Variants in STPG3 observed in about 807,000 individuals in gnomAD.
STPG3 encodes sperm-tail PG-rich repeat containing 3, also known as protein STPG3.
Under a neutral mutation model 32.5 loss-of-function variants are expected in STPG3, and 39 were observed. The observed-to-expected ratio is 1.20, with a 90% CI of 0.93 to 1.57. STPG3 has a LOEUF of 1.57. Ranked by LOEUF, STPG3 falls within the 40% of genes most tolerant of loss-of-function variation. The pLI, the probability that STPG3 is intolerant of heterozygous loss-of-function variation, is 0.00. For missense variants in STPG3, 507 were observed against 407.6 expected, an observed-to-expected ratio of 1.24 and a Z score of -2.10; for synonymous variants, 209 against 172.4, an observed-to-expected ratio of 1.21 and a Z score of -1.66.
Position 137,251,744 on chromosome 9 carries a change from G to A in STPG3, c.117G>A (p.Lys39=), listed in dbSNP as rs753541365. ...CTGCTGGTCTCCCTTGCAGGCCCAA[G>A]GCATCTGTGCTGTTGTTGGGCCCGG... ...RQTQPEPTQP[K]ASVLLLGPEP... Residue 39 remains lysine (K), a synonymous_variant, in exon 2 of 6, where the codon AAG becomes AAA. Transcript: ENST00000412566. 1.4e-5 allele frequency: 22 copies of A among 1,567,190 alleles called. No individual in the cohort carries two copies. In the South Asian group the frequency reaches 2.3e-4, roughly 17 times the overall value.
chr9:137,252,218 C>T, intron 3 of STPG3, 83 bp downstream of exon 3: 1 of 1,531,636 alleles, frequency 6.5e-7, no homozygotes, highest in South Asian at 1.3e-5. Flanking sequence ...TGCTGAAACC[C>T]CCACGGCCTG....
chr9:137,252,438 G>A lies in STPG3; in HGVS notation c.405G>A (p.Glu135=), dbSNP rs1837386999. The change falls in exon 4 of 6, where the codon GAG becomes GAA. Residue 135 remains glutamate, a splice_region_variant and synonymous_variant. Transcript: ENST00000412566. Reference sequence around the variant, plus strand: ...TCTCTCTCCATCCTCCAACTACAGAGGGCGGTGGCCGCAGGGCATGGCAGA... The same window carrying A: ...TCTCTCTCCATCCTCCAACTACAGAAGGCGGTGGCCGCAGGGCATGGCAGA... The part of the protein sequence containing the change: ...YSIGCKHQGR[E]GGGRRAWQTL... 1 of 1,610,078 alleles carries A rather than the reference G, an allele frequency of 6.2e-7. No individual in the cohort carries two copies. Among genetic ancestry groups the A allele is most frequent in the Non-Finnish European group, 8.5e-7 (1 of 1,178,428 alleles).
At position 137,251,515 on chromosome 9, in the gene STPG3, ACAGGCTGTGGGG is replaced by A. The variant is rs1243717478; in HGVS notation, c.110+125_110+136del. ...TGGGGGACTGAGGGACAGTGTGGGG[ACAGGCTGTGGGG>A]CAGGCGGCTGGGAGCGGCCAGGGGC... On this transcript the variant is annotated intron_variant, in intron 1 of 5. Transcript: ENST00000412566. 9.2e-6 allele frequency: 9 copies of A among 974,642 alleles called. No homozygotes were observed. The African/African-American group carries it at 1.2e-4, about 13-fold the overall frequency. 60.4% of individuals were successfully genotyped at this position (974,642 alleles called of 1,614,324 possible). A position where few individuals can be genotyped will look rare whatever the true frequency, so the allele number is the denominator to read the frequency against.
chr9:137,251,478 T>A (rs976645575), intron 1 of STPG3, 82 bp downstream of exon 1: 19 of 1,095,146 alleles, frequency 1.7e-5, no homozygotes, highest in Admixed American at 1.7e-4. Flanking sequence ...GGCAGGTTGC[T>A]GGGCAGGCGG....
chr9:137,252,267 C>T, intron 3 of STPG3, 132 bp downstream of exon 3: 1 of 1,380,104 alleles, frequency 7.2e-7, no homozygotes, highest in Middle Eastern at 2.3e-4. Context: ...CCTCTAGGCT[C>T]AGCACCTGTA....
rs1837353404 is a variant in STPG3 at position 137,252,034 on chromosome 9, T to C, written c.302T>C (p.Leu101Pro). The change falls in exon 3 of 6, where the codon CTG becomes CCG. Residue 101 changes from leucine to proline, a missense_variant. Leu to Pro is a moderately conservative substitution (Grantham distance 98). Coordinates refer to ENST00000412566, the MANE Select transcript of STPG3 (RefSeq NM_001004353.4). ...CAACGCCCCCTGATCACAGCTGACC[T>C]GGAAGTCCCCAGCCCCACCAGGTAC... ...LEQRPLITAD[L>P]EVPSPTRYQV... 1 of 1,612,724 alleles carries C rather than the reference T, an allele frequency of 6.2e-7. No homozygotes were observed. Among genetic ancestry groups the C allele is most frequent in the South Asian group, 1.1e-5 (1 of 90,986 alleles).
chr9:137,252,556 G>C, intron 4 of STPG3, 31 bp downstream of exon 4: 1 of 1,472,658 alleles, frequency 6.8e-7, no homozygotes, highest in Non-Finnish European at 9.3e-7. Flanking sequence ...GGGGCGGGGA[G>C]TCCACGCAGG....
In STPG3 at chr9:137,252,364, GA is replaced by G. The variant is rs1051758219; in HGVS notation, c.404-72del. 9 of 1,489,674 alleles carry G rather than the reference GA, an allele frequency of 6.0e-6. No homozygotes were observed. In the African/African-American group the frequency reaches 1.2e-4, roughly 21 times the overall value. 92.3% of individuals were successfully genotyped at this position (1,489,674 alleles called of 1,614,324 possible). ...TTCAGGGGCCGAGGGTGGGAACCGGGAGACAGGTTCGAGTGGGGACTGTCAC... is the reference window on the plus strand; with the variant it reads ...TTCAGGGGCCGAGGGTGGGAACCGGGGACAGGTTCGAGTGGGGACTGTCAC... On this transcript the variant is annotated intron_variant, in intron 3 of 5. Coordinates refer to ENST00000412566, the MANE Select transcript of STPG3 (RefSeq NM_001004353.4).
At chr9:137,251,715 G>A (rs1385070006) in intron 1 of STPG3, 23 bp from the exon 2 acceptor site, 1 of 1,553,470 alleles carries the variant, frequency 6.4e-7, no homozygotes, top group Non-Finnish European at 8.7e-7. Context: ...GGCTGAGACA[G>A]TGGCTGCTGG....
intron 1 of STPG3, 26 bp from the exon 2 acceptor site, chr9:137,251,712 A>C: frequency 6.4e-7 from 1 of 1,552,696 alleles, no homozygotes; most frequent in Non-Finnish European, 8.7e-7. Context: ...GGGGGCTGAG[A>C]CAGTGGCTGC....
chr9:137,252,786 G>T lies in STPG3; in HGVS notation c.617G>T (p.Arg206Met). Residue 206 changes from arginine (R) to methionine (M), a missense_variant, in exon 5 of 6, where the codon AGG (arginine) becomes ATG (methionine). Physicochemically the swap from Arg to Met is moderately conservative, Grantham distance 91. Coordinates refer to ENST00000412566, the MANE Select transcript of STPG3 (RefSeq NM_001004353.4). The stretch of plus-strand genomic sequence containing the variant: ...ACCCACCTAGGGCTGCCTGGGGCTA[G>T]GGGGCTGGGCCTCAGGGTGCAGCCC... ...GHTHLGLPGARGLGLRVQPQS... is the reference protein window; with the variant it reads ...GHTHLGLPGAMGLGLRVQPQS... 1 of 1,562,618 alleles carries T rather than the reference G, an allele frequency of 6.4e-7. No homozygotes were observed. Among genetic ancestry groups the T allele is most frequent in the Non-Finnish European group, 8.7e-7 (1 of 1,154,204 alleles).
At position 137,251,751 on chromosome 9, in the gene STPG3, G is replaced by C. The variant is rs200942039; in HGVS notation, c.124G>C (p.Val42Leu). The change falls in exon 2 of 6, where the codon GTG (valine) becomes CTG (leucine). Residue 42 changes from valine to leucine, a missense_variant. Val to Leu is a conservative substitution (Grantham distance 32, BLOSUM62 1). Transcript: ENST00000412566. ...QPEPTQPKAS[V>L]LLLGPEPGMA... is the part of the protein sequence containing the mutation. Reference sequence around the variant, plus strand: ...TCTCCCTTGCAGGCCCAAGGCATCTGTGCTGTTGTTGGGCCCGGAGCCGGG... The same window carrying C: ...TCTCCCTTGCAGGCCCAAGGCATCTCTGCTGTTGTTGGGCCCGGAGCCGGG... 6.4e-7 allele frequency: 1 copy of C among 1,572,712 alleles called. No homozygotes were observed. Among genetic ancestry groups the C allele is most frequent in the African/African-American group, 1.4e-5 (1 of 73,968 alleles).
rs757085906 is a variant in STPG3 at position 137,251,850 on chromosome 9, C to A, written c.223C>A (p.Pro75Thr). The change falls in exon 2 of 6, where the codon CCC (proline) becomes ACC (threonine). Residue 75 changes from proline to threonine, a missense_variant. Pro to Thr is a conservative substitution (Grantham distance 38, BLOSUM62 -1). Transcript: ENST00000412566. Reference sequence around the variant, plus strand: ...TGGCCTCAGGTTACAGACGGGCACCCCCCAGGAGTCCCTGCCCACCTACAC... The same window carrying A: ...TGGCCTCAGGTTACAGACGGGCACCACCCAGGAGTCCCTGCCCACCTACAC... Reference protein sequence around the residue: ...PVGLRLQTGTPQESLPTYTQT... With the variant: ...PVGLRLQTGTTQESLPTYTQT... 1 of 1,607,812 alleles carries A rather than the reference C, an allele frequency of 6.2e-7. No homozygotes were observed. The highest frequency in any genetic ancestry group is 1.1e-5 in the South Asian group (1 of 89,940).
rs1389856483 is a variant in STPG3 at position 137,253,468 on chromosome 9, C to T, written c.*223C>T. On this transcript the variant is annotated 3_prime_UTR_variant, in exon 6 of 6. Transcript: ENST00000412566. ...CCCATCTCCCCGCTACACTGAGATG[C>T]TGTTGGTTTTCCCGAGCTCTGTGGT... is the stretch of plus-strand genomic sequence containing the variant. The T allele has an allele frequency of 1.3e-5, 19 of 1,433,058 alleles. No homozygotes were observed. Among genetic ancestry groups the T allele is most frequent in the Non-Finnish European group, 1.6e-5 (18 of 1,096,144 alleles). 88.8% of individuals were successfully genotyped at this position (1,433,058 alleles called of 1,614,324 possible). A position where few individuals can be genotyped will look rare whatever the true frequency, so the allele number is the denominator to read the frequency against.
intron 3 of STPG3, 67 bp downstream of exon 3, chr9:137,252,202 C>A: frequency 7.1e-6 from 11 of 1,551,814 alleles, no homozygotes; most frequent in Non-Finnish European, 9.6e-6. Context: ...GGGGCCTTTG[C>A]CTCTGTGCTG....
Sources: allele counts gnomAD v4.1 joint callset, GRCh38; gene constraint gnomAD v4.1.1; transcripts MANE v1.5; gene names NCBI Gene and HGNC (gene_info 2026-07-23, HGNC 2026-07-21).